Variants in ERBB4 observed in about 807,000 individuals in gnomAD.
ERBB4 encodes the protein receptor tyrosine-protein kinase erbB-4.
A neutral mutation model predicts 158.0 loss-of-function variants in ERBB4; 42 were observed. The ratio of observed to expected loss-of-function variants is 0.27; its 90% CI spans 0.21 to 0.34. ERBB4 has a LOEUF of 0.34. Ranked by LOEUF, ERBB4 falls within the 10% of genes least tolerant of loss-of-function variation. The probability of loss-of-function intolerance (pLI) is 1.00; values close to 1 mark genes in which losing one functional copy is unlikely to be tolerated. For missense variants in ERBB4, 1,333 were observed against 1,624.1 expected, an observed-to-expected ratio of 0.82 and a Z score of 3.08; for synonymous variants, 583 against 558.7, an observed-to-expected ratio of 1.04 and a Z score of -0.61.
At chr2:212,344,890 T>G (rs2106327511) in intron 1 of ERBB4, among the ~76,000 whole-genome samples, 1 of 152,254 alleles carries the variant, frequency 6.6e-6, no homozygotes, top group East Asian at 1.9e-4. Flanking sequence ...GACTCTTTTG[T>G]TATCTTCAAA....
intron 16 of ERBB4, among the ~76,000 whole-genome samples, chr2:211,639,868 C>T (rs1056343663): frequency 6.6e-6 from 1 of 151,342 alleles, no homozygotes; most frequent in Admixed American, 6.8e-5. Flanking sequence ...ATTACAGGCA[C>T]CCCCCCACCA....
intron 3 of ERBB4, among the ~76,000 whole-genome samples, chr2:211,810,637 CTT>C (rs1466369484): frequency 1.4e-5 from 2 of 142,738 alleles, no homozygotes; most frequent in Admixed American, 7.1e-5. Flanking sequence ...GGTCTTGACT[CTT>C]TATCCAATTT....
At chr2:212,537,705 C>T (rs1693170755) in intron 1 of ERBB4, among the ~76,000 whole-genome samples, 1 of 151,544 alleles carries the variant, frequency 6.6e-6, no homozygotes, top group Non-Finnish European at 1.5e-5. Context: ...CCAAACACGG[C>T]AACCGACGGG....
chr2:211,876,024 G>C (rs2078489981), intron 3 of ERBB4, among the ~76,000 whole-genome samples: 1 of 152,076 alleles, frequency 6.6e-6, no homozygotes. Flanking sequence ...CCCAGAACAT[G>C]TCCTCACCAT....
intron 4 of ERBB4, among the ~76,000 whole-genome samples, chr2:211,752,228 C>T (rs1042675336): frequency 1.3e-5 from 2 of 151,772 alleles, no homozygotes; most frequent in African/African-American, 4.8e-5. Context: ...TTTATACTAG[C>T]GGAAATTAGA....
Position 212,538,634 on chromosome 2 carries a change from G to A in ERBB4, c.-104C>T. 1.6e-6 allele frequency: 2 copies of A among 1,213,430 alleles called. No individual in the cohort carries two copies. Among genetic ancestry groups the A allele is most frequent in the Admixed American group, 1.8e-5 (1 of 54,748 alleles). 75.2% of individuals were successfully genotyped at this position (1,213,430 alleles called of 1,614,324 possible). A position where few individuals can be genotyped will look rare whatever the true frequency, so the allele number is the denominator to read the frequency against. On this transcript the variant is annotated 5_prime_UTR_variant, in exon 1 of 28. Coordinates refer to ENST00000342788, the MANE Select transcript of ERBB4 (RefSeq NM_005235.3). The stretch of plus-strand genomic sequence containing the variant: ...CCCCCAGCCGGGCGCGCGTGGGGGT[G>A]CGAGGGGGGCGGGCGCGGCGCGCGC...
At chr2:211,914,249 A>AT (rs1227555917) in intron 3 of ERBB4, among the ~76,000 whole-genome samples, 2 of 150,058 alleles carry the variant, frequency 1.3e-5, no homozygotes, top group African/African-American at 2.5e-5. Flanking sequence ...ACTATAACAT[A>AT]TTTTTCTTTT....
chr2:211,914,110 C>G (rs1270276117), intron 3 of ERBB4, among the ~76,000 whole-genome samples: 1 of 140,716 alleles, frequency 7.1e-6, no homozygotes, highest in East Asian at 2.1e-4. Context: ...AATAAGTAAA[C>G]AAGTATTCAA....
chr2:212,502,991 G>A (rs571493241), intron 1 of ERBB4, among the ~76,000 whole-genome samples: 17 of 152,148 alleles, frequency 1.1e-4, no homozygotes, highest in African/African-American at 4.1e-4. Context: ...TCTAACTCCT[G>A]GGCTCATGTG....
intron 12 of ERBB4, among the ~76,000 whole-genome samples, chr2:211,684,484 GAAGAA>G (rs926677898): frequency 4.0e-5 from 6 of 151,748 alleles, no homozygotes; most frequent in Non-Finnish European, 5.9e-5. Context: ...GAAAAGAAAA[GAAGAA>G]AAGAAAAGAA....
chr2:211,733,324 T>C (rs1009704292), intron 5 of ERBB4, among the ~76,000 whole-genome samples: 14 of 152,176 alleles, frequency 9.2e-5, no homozygotes, highest in Non-Finnish European at 2.9e-5. Context: ...AAAAATAATA[T>C]TGCCTTGTTA....
At chr2:211,615,643 A>G (rs1454409882) in intron 19 of ERBB4, among the ~76,000 whole-genome samples, 1 of 152,098 alleles carries the variant, frequency 6.6e-6, no homozygotes, top group Non-Finnish European at 1.5e-5. Context: ...ATAGAACACA[A>G]ACTGCCCCTT....
chr2:211,492,517 T>A (rs939760686), intron 20 of ERBB4, among the ~76,000 whole-genome samples: 3 of 152,126 alleles, frequency 2.0e-5, no homozygotes, highest in Admixed American at 1.3e-4. Context: ...TTTGCATAAA[T>A]ACTCTCATTT....
At chr2:211,674,192 T>A (rs988615853) in intron 13 of ERBB4, among the ~76,000 whole-genome samples, 4 of 152,176 alleles carry the variant, frequency 2.6e-5, no homozygotes, top group Non-Finnish European at 5.9e-5. Flanking sequence ...AAATCATTAA[T>A]AAAATTTGAC....
chr2:212,512,280 G>A (rs1042536362), intron 1 of ERBB4, among the ~76,000 whole-genome samples: 1 of 151,262 alleles, frequency 6.6e-6, no homozygotes, highest in Non-Finnish European at 1.5e-5. Flanking sequence ...CTTTATATAA[G>A]TACTTAACCT....
chr2:212,100,425 T>C (rs1037309240), intron 2 of ERBB4, among the ~76,000 whole-genome samples: 9 of 152,208 alleles, frequency 5.9e-5, no homozygotes, highest in South Asian at 2.1e-4. Context: ...GCATTTTTAA[T>C]TGGTCTTATA....
intron 4 of ERBB4, 72 bp from the exon 5 acceptor site, chr2:211,750,776 C>T: frequency 2.4e-6 from 3 of 1,272,508 alleles, no homozygotes; most frequent in South Asian, 1.2e-5. Flanking sequence ...AGTAACTCCT[C>T]AAAGGAAATA....
At chr2:212,144,458 A>G (rs2080596213) in intron 1 of ERBB4, among the ~76,000 whole-genome samples, 3 of 152,186 alleles carry the variant, frequency 2.0e-5, no homozygotes, top group South Asian at 2.1e-4. Flanking sequence ...AACTTTTCCT[A>G]TATTTTTAAT....
At chr2:211,670,491 C>A (rs969492858) in intron 14 of ERBB4, among the ~76,000 whole-genome samples, 1 of 152,004 alleles carries the variant, frequency 6.6e-6, no homozygotes, top group Non-Finnish European at 1.5e-5. Flanking sequence ...ACTGCAAAAA[C>A]CCACAAATTA....
Sources: allele counts gnomAD v4.1 joint callset (sites outside exome capture counted in the v4.1 genomes callset), GRCh38; gene constraint gnomAD v4.1.1; transcripts MANE v1.5; gene names NCBI Gene and HGNC (gene_info 2026-07-23, HGNC 2026-07-21).